STARD10: variants seen among roughly 807,000 people sequenced by gnomAD.
STARD10 encodes START domain-containing protein 10.
A neutral mutation model predicts 36.0 loss-of-function variants in STARD10; 24 were observed. The observed-to-expected ratio is 0.67, with a 90% confidence interval of 0.48 to 0.94. The LOEUF (loss-of-function observed/expected upper bound fraction) is 0.94. Among genes scored for constraint, STARD10 ranks in the 40% least tolerant of loss-of-function variants. STARD10 has a pLI of 0.00. For synonymous variants in STARD10, 156 were observed against 161.9 expected (o/e 0.96, Z 0.28); for missense variants, 335 against 396.6 (o/e 0.84, Z 1.32).
chr11:72,758,932 G>A (rs1048527785), intron 3 of STARD10, among the ~76,000 whole-genome samples: 3 of 152,254 alleles, frequency 2.0e-5, no homozygotes, highest in Non-Finnish European at 4.4e-5. Flanking sequence ...GTATGAGTGT[G>A]CATGAAAATG....
rs117428883 is a variant in STARD10 at position 72,778,869 on chromosome 11, G to T, written c.207+2106C>A. ...TCAGTCTGAAAGAAAAGGAGGGTAG[G>T]GTCCTGGCTGCCCAGGGTGTATGCC... On this transcript the variant is annotated intron_variant, in intron 2 of 6. Coordinates refer to ENST00000334805, the MANE Select transcript of STARD10 (RefSeq NM_006645.3). 8.6e-3 allele frequency among the ~76,000 whole-genome samples: 1,306 copies of T among 152,298 alleles called. 30 individuals carry two copies. Among genetic ancestry groups the T allele is most frequent in the Admixed American group, 0.029 (451 of 15,302 alleles).
chr11:72,755,186 C>T, intron 6 of STARD10, 44 bp from the exon 7 acceptor site: 2 of 1,564,856 alleles, frequency 1.3e-6, no homozygotes, highest in Non-Finnish European at 1.7e-6. Context: ...GGCTAGGGGG[C>T]AGGTCTTCTC....
intron 1 of STARD10, among the ~76,000 whole-genome samples, chr11:72,785,322 T>C (rs1039234585): frequency 5.3e-5 from 8 of 151,602 alleles, no homozygotes; most frequent in Non-Finnish European, 1.5e-5. Context: ...CCCAGCACTT[T>C]GGGAGGCCGA....
chr11:72,783,186 T>C (rs916739693), intron 1 of STARD10, among the ~76,000 whole-genome samples: 1 of 152,120 alleles, frequency 6.6e-6, no homozygotes, highest in Non-Finnish European at 1.5e-5. Context: ...GAGATGTTTG[T>C]AAATTAGGCC....
At chr11:72,759,211 A>T in intron 3 of STARD10, 23 bp downstream of exon 3, 1 of 1,613,020 alleles carries the variant, frequency 6.2e-7, no homozygotes, top group Non-Finnish European at 8.5e-7. Context: ...GGGGACTGGG[A>T]TCAGCGTGCT....
chr11:72,792,777 C>T (rs529414505), intron 1 of STARD10, 98 bp downstream of exon 1: 3 of 152,732 alleles, frequency 2.0e-5, no homozygotes, highest in African/African-American at 7.2e-5. Flanking sequence ...GAAACAGTGT[C>T]CACTGCCTTC....
intron 2 of STARD10, among the ~76,000 whole-genome samples, chr11:72,778,558 G>A (rs901734561): frequency 1.8e-4 from 28 of 152,080 alleles, no homozygotes; most frequent in Non-Finnish European, 3.2e-4. Context: ...CCATAACCAG[G>A]GTCCCAGCCT....
intron 2 of STARD10, among the ~76,000 whole-genome samples, chr11:72,778,263 T>C (rs992831123): frequency 2.0e-5 from 3 of 152,254 alleles, no homozygotes; most frequent in Non-Finnish European, 4.4e-5. Context: ...AGCTGTGGCA[T>C]GACCTTAGGC....
At position 72,758,594 on chromosome 11, in the gene STARD10, G is replaced by C; in HGVS notation, c.395C>G (p.Thr132Ser). The change falls in exon 4 of 7, where the codon ACC (threonine) becomes AGC (serine). Residue 132 changes from threonine (T) to serine (S), a missense_variant. Thr to Ser is a moderately conservative substitution (Grantham distance 58, BLOSUM62 1). Coordinates refer to ENST00000334805, the MANE Select transcript of STARD10 (RefSeq NM_006645.3). ...GCCCATGGGGAGCCAGGAGCGGAGG[G>C]TGATGACATCACGGTTCTTCAGGGG... is the stretch of plus-strand genomic sequence containing the variant. Reference protein sequence around the residue: ...PKPLKNRDVITLRSWLPMGAD... With the variant: ...PKPLKNRDVISLRSWLPMGAD... The C allele has an allele frequency of 6.2e-7, 1 of 1,614,082 alleles. No homozygotes were observed. Among genetic ancestry groups the C allele is most frequent in the Non-Finnish European group, 8.5e-7 (1 of 1,180,002 alleles).
intron 1 of STARD10, among the ~76,000 whole-genome samples, chr11:72,783,211 A>G (rs531760263): frequency 3.9e-5 from 6 of 152,280 alleles, no homozygotes; most frequent in Middle Eastern, 3.4e-3. Flanking sequence ...TTTAAAAATG[A>G]GTGGGGGTGA....
intron 2 of STARD10, chr11:72,780,465 AG>A (rs1858977622): frequency 4.6e-6 from 2 of 433,978 alleles, no homozygotes; most frequent in Non-Finnish European, 9.3e-6. Context: ...GGGAGCAGCC[AG>A]GGAGGGAGGG....
intron 1 of STARD10, among the ~76,000 whole-genome samples, chr11:72,784,437 G>GA (rs1447054679): frequency 1.3e-5 from 2 of 152,186 alleles, no homozygotes; most frequent in Non-Finnish European, 2.9e-5. Flanking sequence ...TTGTGGCAGG[G>GA]AAAAGAGTTG....
At chr11:72,775,855 C>T (rs577693949) in intron 2 of STARD10, among the ~76,000 whole-genome samples, 2 of 152,294 alleles carry the variant, frequency 1.3e-5, no homozygotes, top group African/African-American at 4.8e-5. Flanking sequence ...GAGTCCCAGG[C>T]AGAGAACTTG....
At chr11:72,777,199 T>C (rs2135622449) in intron 2 of STARD10, among the ~76,000 whole-genome samples, 1 of 152,378 alleles carries the variant, frequency 6.6e-6, no homozygotes, top group South Asian at 2.1e-4. Context: ...AGGTCTCCCC[T>C]GCCTCTCATG....
At chr11:72,766,092 C>T (rs1272643569) in intron 2 of STARD10, 1 of 152,142 alleles carries the variant, frequency 6.6e-6, no homozygotes, top group Non-Finnish European at 1.5e-5. Context: ...TCCCCCTTCT[C>T]ACTACTGCAT....
At chr11:72,788,061 T>C (rs981490736) in intron 1 of STARD10, among the ~76,000 whole-genome samples, 8 of 152,252 alleles carry the variant, frequency 5.3e-5, no homozygotes, top group Admixed American at 2.6e-4. Flanking sequence ...AAGGGGCTCC[T>C]CTGGGAGGCT....
rs569741817 is a variant in STARD10, at chr11:72,755,160, C to G, written c.631-18G>C. 2 of 1,603,670 alleles carry G rather than the reference C, an allele frequency of 1.2e-6. No individual in the cohort carries two copies. The highest frequency in any genetic ancestry group is 2.2e-5 in the East Asian group (1 of 44,602). On this transcript the variant is annotated intron_variant, in intron 6 of 6. Transcript: ENST00000334805. Reference sequence around the variant, plus strand: ...TTCATGGCCTGTGGGCCCGCCGCCCCGCCGGGTCAGGGGGTGGCTAGGGGG... The same window carrying G: ...TTCATGGCCTGTGGGCCCGCCGCCCGGCCGGGTCAGGGGGTGGCTAGGGGG...
In STARD10 at chr11:72,781,177, T is replaced by A; in HGVS notation, c.5A>T (p.Glu2Val). 1.2e-6 allele frequency: 2 copies of A among 1,609,548 alleles called. No individual in the cohort carries two copies. The highest frequency in any genetic ancestry group is 1.7e-6 in the Non-Finnish European group (2 of 1,179,784). The change falls in exon 2 of 7, where the codon GAG becomes GTG. Residue 2 changes from glutamate (E) to valine (V), a missense_variant. By Grantham distance (121) the Glu-to-Val change is moderately radical (BLOSUM62 -2). Transcript: ENST00000334805. This position sits in a 1 kb window ranked among gnomAD's most constrained non-coding sequence, Gnocchi z 4.7. ...GGGCTCTGTAGAGGCCGCCAGCTTC[T>A]CCATGGGGAGTGTGGGGAGGCCCAG... M[E>V]KLAASTEPQG...
chr11:72,767,463 G>C (rs1858808014), intron 2 of STARD10, among the ~76,000 whole-genome samples: 1 of 152,196 alleles, frequency 6.6e-6, no homozygotes, highest in Non-Finnish European at 1.5e-5. Context: ...TAGTGAAGCA[G>C]AGAACCAGAG....
Sources: allele counts gnomAD v4.1 joint callset (sites outside exome capture counted in the v4.1 genomes callset), GRCh38; gene constraint gnomAD v4.1.1; non-coding constraint Gnocchi (gnomAD v3.1); transcripts MANE v1.5; gene names NCBI Gene and HGNC (gene_info 2026-07-23, HGNC 2026-07-21).